SEMA6D: variants seen among roughly 807,000 people sequenced by gnomAD.
SEMA6D encodes semaphorin 6D, also known as semaphorin-6D.
Under a neutral mutation model 106.6 loss-of-function variants are expected in SEMA6D, and 35 were observed. That is an observed-to-expected ratio of 0.33 (90% CI 0.25 to 0.44). The LOEUF (loss-of-function observed/expected upper bound fraction) is 0.44, where lower values mean the gene tolerates loss of function less well. Among genes scored for constraint, SEMA6D ranks in the 20% least tolerant of loss-of-function variants. The pLI is 1.00. For missense variants in SEMA6D, 1,185 were observed against 1,345.9 expected (o/e 0.88, Z 1.87); for synonymous variants, 499 against 487.7 (o/e 1.02, Z -0.31).
At chr15:47,351,408 G>A (rs979816089) in intron 1 of SEMA6D, among the ~76,000 whole-genome samples, 3 of 152,144 alleles carry the variant, frequency 2.0e-5, no homozygotes, top group Non-Finnish European at 4.4e-5. Flanking sequence ...TTTAACAATA[G>A]TGATGATAAA....
At chr15:47,531,485 T>C (rs1013003628) in intron 3 of SEMA6D, among the ~76,000 whole-genome samples, 8 of 152,248 alleles carry the variant, frequency 5.3e-5, no homozygotes, top group African/African-American at 1.9e-4. Context: ...TGGCAGATGC[T>C]ATTTTAAAAA....
chr15:47,255,504 G>A (rs1475547542), intron 1 of SEMA6D, among the ~76,000 whole-genome samples: 1 of 151,554 alleles, frequency 6.6e-6, no homozygotes, highest in Non-Finnish European at 1.5e-5. Context: ...TGTTTTTCCA[G>A]TTCCTTGAGA....
chr15:47,233,440 T>G (rs1465484939), intron 1 of SEMA6D, among the ~76,000 whole-genome samples: 3 of 152,044 alleles, frequency 2.0e-5, no homozygotes, highest in African/African-American at 7.2e-5. Context: ...TTCATATGAA[T>G]TTTAGAATTA....
At chr15:47,513,395 C>T (rs1172650542) in intron 3 of SEMA6D, among the ~76,000 whole-genome samples, 1 of 152,138 alleles carries the variant, frequency 6.6e-6, no homozygotes, top group South Asian at 2.1e-4. Context: ...ATCTCTATTC[C>T]ACTACATTTT....
chr15:47,290,079 G>T (rs896464801), intron 1 of SEMA6D, among the ~76,000 whole-genome samples: 4 of 152,112 alleles, frequency 2.6e-5, no homozygotes, highest in Non-Finnish European at 5.9e-5. Flanking sequence ...CAATACTTCC[G>T]CAGCATACTG....
At chr15:47,385,440 A>G (rs919397337) in intron 1 of SEMA6D, among the ~76,000 whole-genome samples, 6 of 152,166 alleles carry the variant, frequency 3.9e-5, no homozygotes, top group African/African-American at 1.2e-4. Context: ...CCAAATTGCT[A>G]TGTGAATTTG....
At chr15:47,685,017 G>C (rs1346994622) in intron 4 of SEMA6D, among the ~76,000 whole-genome samples, 1 of 152,102 alleles carries the variant, frequency 6.6e-6, no homozygotes, top group Non-Finnish European at 1.5e-5. Flanking sequence ...AGAAGGAAGA[G>C]GAGGAAAGAG....
At chr15:47,227,076 A>C (rs2031730664) in intron 1 of SEMA6D, among the ~76,000 whole-genome samples, 1 of 152,078 alleles carries the variant, frequency 6.6e-6, no homozygotes, top group Admixed American at 6.6e-5. Context: ...AGACCACAAA[A>C]AGCAAAGTGA....
intron 4 of SEMA6D, among the ~76,000 whole-genome samples, chr15:47,688,818 T>C (rs1820749883): frequency 6.6e-6 from 1 of 152,150 alleles, no homozygotes; most frequent in Non-Finnish European, 1.5e-5. Flanking sequence ...TAATGAGAGT[T>C]TCTACACACA....
At chr15:47,444,653 T>C (rs562346928) in intron 2 of SEMA6D, among the ~76,000 whole-genome samples, 1 of 152,168 alleles carries the variant, frequency 6.6e-6, no homozygotes, top group South Asian at 2.1e-4. Context: ...ATTATAAAGA[T>C]TTTCATCTTT....
intron 1 of SEMA6D, among the ~76,000 whole-genome samples, chr15:47,246,092 AC>A (rs1423205359): frequency 2.0e-5 from 3 of 152,280 alleles, no homozygotes; most frequent in African/African-American, 4.8e-5. Flanking sequence ...CTTTAAAGAA[AC>A]AAGGCTGCCC....
chr15:47,623,869 T>G (rs1784828959), intron 4 of SEMA6D, among the ~76,000 whole-genome samples: 1 of 152,164 alleles, frequency 6.6e-6, no homozygotes, highest in African/African-American at 2.4e-5. Context: ...AATCCATTCT[T>G]CACACTGAAG....
At chr15:47,703,739 AG>A (rs1350385906) in intron 4 of SEMA6D, among the ~76,000 whole-genome samples, 9 of 152,218 alleles carry the variant, frequency 5.9e-5, no homozygotes, top group Non-Finnish European at 1.2e-4. Flanking sequence ...AAGTATGGTT[AG>A]GTCCAATACT....
At chr15:47,584,667 G>C (rs1470366839) in intron 3 of SEMA6D, among the ~76,000 whole-genome samples, 1 of 152,138 alleles carries the variant, frequency 6.6e-6, no homozygotes, top group Non-Finnish European at 1.5e-5. Flanking sequence ...TGTTTTAGAA[G>C]TAGGCAGGGT....
At chr15:47,513,958 G>A (rs554635882) in intron 3 of SEMA6D, among the ~76,000 whole-genome samples, 1 of 152,288 alleles carries the variant, frequency 6.6e-6, no homozygotes, top group East Asian at 1.9e-4. Flanking sequence ...TTGACCATTC[G>A]CAGGATAATC....
At chr15:47,690,987 C>T (rs893898828) in intron 4 of SEMA6D, among the ~76,000 whole-genome samples, 2 of 152,052 alleles carry the variant, frequency 1.3e-5, no homozygotes, top group African/African-American at 4.8e-5. Flanking sequence ...TGAGTACTGG[C>T]TAGTTATTTT....
chr15:47,740,033 TG>T (rs2080707409), intron 1 of SEMA6D, among the ~76,000 whole-genome samples: 1 of 152,146 alleles, frequency 6.6e-6, no homozygotes, highest in Non-Finnish European at 1.5e-5. Flanking sequence ...ACAAAGCTAG[TG>T]GGTGGTGAAG....
At chr15:47,722,474 TTTC>T (rs1346686216) in intron 1 of SEMA6D, among the ~76,000 whole-genome samples, 1 of 152,222 alleles carries the variant, frequency 6.6e-6, no homozygotes, top group Non-Finnish European at 1.5e-5. Context: ...TTTGTTTTGT[TTTC>T]TTCTTTTTAC....
chr15:47,760,027 CA>C, intron 2 of SEMA6D, 120 bp downstream of exon 2: 2 of 795,374 alleles, frequency 2.5e-6, no homozygotes, highest in South Asian at 3.4e-5. Flanking sequence ...CTTGAATTTG[CA>C]TCTGAGTTTA....
Sources: gnomAD v4.1 joint callset for allele counts (sites outside exome capture counted in the v4.1 genomes callset) on GRCh38, gnomAD v4.1.1 for gene constraint, MANE v1.5 for transcripts, NCBI Gene and HGNC (gene_info 2026-07-23, HGNC 2026-07-21) for gene names.